The following TRAPPC9 variants were observed in gnomAD, a reference collection of about 807,000 sequenced individuals.
TRAPPC9 encodes trafficking protein particle complex subunit 9, also known as IKK2 binding protein.
Under a neutral mutation model 124.0 loss-of-function variants are expected in TRAPPC9, and 83 were observed. The ratio of observed to expected loss-of-function variants is 0.67; its 90% CI spans 0.56 to 0.80. TRAPPC9 has a LOEUF of 0.80. TRAPPC9 is among the 30% of genes least tolerant of loss of function. The pLI is 0.00. For missense variants in TRAPPC9, 1,302 were observed against 1,508.3 expected (o/e 0.86, Z 2.27); for synonymous variants, 638 against 617.5 (o/e 1.03, Z -0.49).
At chr8:139,921,579 G>A (rs938621489) in intron 19 of TRAPPC9, among the ~76,000 whole-genome samples, 2 of 152,130 alleles carry the variant, frequency 1.3e-5, no homozygotes, top group African/African-American at 2.4e-5. Context: ...TGTTGACCAA[G>A]TTAAGACACA....
At chr8:140,411,447 T>C (rs904917213) in intron 5 of TRAPPC9, among the ~76,000 whole-genome samples, 1 of 152,226 alleles carries the variant, frequency 6.6e-6, no homozygotes, top group Non-Finnish European at 1.5e-5. Flanking sequence ...GTTCCAGCGA[T>C]TCTCCTGCCT....
intron 8 of TRAPPC9, among the ~76,000 whole-genome samples, chr8:140,364,657 T>A (rs946848699): frequency 3.3e-5 from 5 of 152,070 alleles, no homozygotes; most frequent in African/African-American, 1.2e-4. Context: ...CTCGGCTCAC[T>A]GCAACCCTTC....
intron 9 of TRAPPC9, among the ~76,000 whole-genome samples, chr8:140,346,998 C>T (rs1278044313): frequency 1.3e-5 from 2 of 152,166 alleles, no homozygotes; most frequent in African/African-American, 2.4e-5. Flanking sequence ...GCATCGGTTC[C>T]GGGGCCCAGG....
intron 19 of TRAPPC9, among the ~76,000 whole-genome samples, chr8:139,960,379 G>C (rs575027629): frequency 6.6e-6 from 1 of 152,130 alleles, no homozygotes; most frequent in African/African-American, 2.4e-5. Context: ...TCGCCCTCCG[G>C]AAGATTCAGC....
intron 18 of TRAPPC9, 54 bp downstream of exon 18, chr8:140,023,883 G>A (rs765213398): frequency 3.9e-4 from 635 of 1,612,238 alleles, no homozygotes; most frequent in Non-Finnish European, 5.2e-4. Context: ...GATTCTGAAC[G>A]TAGTGCTGTT....
At chr8:140,075,371 A>T (rs989232081) in intron 17 of TRAPPC9, among the ~76,000 whole-genome samples, 1 of 152,222 alleles carries the variant, frequency 6.6e-6, no homozygotes, top group African/African-American at 2.4e-5. Flanking sequence ...TGTGGTCATC[A>T]CGGAGTGAAG....
At chr8:139,768,761 G>A (rs577088102) in intron 21 of TRAPPC9, among the ~76,000 whole-genome samples, 1 of 152,322 alleles carries the variant, frequency 6.6e-6, no homozygotes, top group East Asian at 1.9e-4. Context: ...GACACCTAGT[G>A]TTAGGGGCTG....
chr8:140,451,471 T>C, intron 1 of TRAPPC9, 88 bp from the exon 2 acceptor site: 1 of 1,118,426 alleles, frequency 8.9e-7, no homozygotes, highest in Non-Finnish European at 1.3e-6. Context: ...TGACCTTCAC[T>C]ACCCAGAGGC....
chr8:140,451,411 G>T (rs775068716), intron 1 of TRAPPC9, 28 bp from the exon 2 acceptor site: 5 of 1,574,086 alleles, frequency 3.2e-6, no homozygotes, highest in Non-Finnish European at 3.4e-6. Context: ...ATGAGGCTGT[G>T]AGACACAGAG....
intron 17 of TRAPPC9, among the ~76,000 whole-genome samples, chr8:140,207,881 A>C (rs1012296869): frequency 2.6e-5 from 4 of 152,222 alleles, no homozygotes. Flanking sequence ...GGCTGGGCAC[A>C]GTGGCTCATG....
Position 139,960,047 on chromosome 8 carries a change from T to C in TRAPPC9, c.2810+28679A>G, listed in dbSNP as rs528413139. ...CAGACACTTTATAGAGAACAGCTCA[T>C]GTATTAGTCACGAGGAATCATTTTT... On this transcript the variant is annotated intron_variant, in intron 19 of 22. Coordinates refer to ENST00000438773, the MANE Select transcript of TRAPPC9 (RefSeq NM_001160372.4). Among the ~76,000 whole-genome samples, 7 of 152,324 alleles carry C rather than the reference T, an allele frequency of 4.6e-5. No homozygotes were observed. In the South Asian group the frequency reaches 1.4e-3, roughly 32 times the overall value.
At chr8:139,854,823 C>T (rs948534429) in intron 21 of TRAPPC9, among the ~76,000 whole-genome samples, 4 of 152,174 alleles carry the variant, frequency 2.6e-5, no homozygotes, top group African/African-American at 9.7e-5. Context: ...AAAGAGGGTG[C>T]CAAACAGGCA....
intron 17 of TRAPPC9, among the ~76,000 whole-genome samples, chr8:140,155,289 C>T (rs79624145): frequency 0.056 from 8,455 of 152,172 alleles, 398 homozygotes; most frequent in African/African-American, 0.13. Context: ...CTGCTAAGGC[C>T]GACTTGGTGA....
chr8:139,897,731 G>A (rs1433662093), intron 20 of TRAPPC9, among the ~76,000 whole-genome samples: 3 of 152,196 alleles, frequency 2.0e-5, no homozygotes, highest in African/African-American at 4.8e-5. Context: ...TCAAATTCGG[G>A]GTCTGCTGCT....
intron 17 of TRAPPC9, among the ~76,000 whole-genome samples, chr8:140,130,021 A>AC (rs931019022): frequency 6.6e-6 from 1 of 152,180 alleles, no homozygotes; most frequent in African/African-American, 2.4e-5. Flanking sequence ...GGAAAGGACA[A>AC]CGTTAGCCTG....
chr8:140,191,742 C>A (rs1358041672), intron 17 of TRAPPC9, among the ~76,000 whole-genome samples: 1 of 152,172 alleles, frequency 6.6e-6, no homozygotes, highest in African/African-American at 2.4e-5. Context: ...AATGCAAGAA[C>A]AACCTAACAG....
At chr8:139,839,602 T>C (rs904859082) in intron 21 of TRAPPC9, among the ~76,000 whole-genome samples, 1 of 152,208 alleles carries the variant, frequency 6.6e-6, no homozygotes, top group Non-Finnish European at 1.5e-5. Context: ...TCATTAGTCA[T>C]GTTCGGAACC....
intron 19 of TRAPPC9, chr8:139,933,816 C>T (rs1424902533): frequency 6.6e-6 from 1 of 152,222 alleles, no homozygotes; most frequent in East Asian, 1.9e-4. Flanking sequence ...ATTCCAGATC[C>T]ACCTTACGTA....
At chr8:140,174,185 G>A (rs7387453) in intron 17 of TRAPPC9, among the ~76,000 whole-genome samples, 126,252 of 152,012 alleles carry the variant, frequency 0.83, 52,540 homozygotes, top group East Asian at 0.99. Flanking sequence ...ATATATGGAC[G>A]CATAGAGGGA....
Sources: gnomAD v4.1 joint callset for allele counts (sites outside exome capture counted in the v4.1 genomes callset) on GRCh38, gnomAD v4.1.1 for gene constraint, MANE v1.5 for transcripts, NCBI Gene and HGNC (gene_info 2026-07-23, HGNC 2026-07-21) for gene names.